Variants in PPARGC1B observed in about 807,000 individuals in gnomAD.
PPARGC1B encodes the protein PPARG coactivator 1 beta.
PPARGC1B carries 34 observed loss-of-function variants against 101.6 expected under a neutral mutation model. That is an observed-to-expected ratio of 0.33 (90% CI 0.25 to 0.45). The LOEUF (loss-of-function observed/expected upper bound fraction) is 0.45, where lower values mean the gene tolerates loss of function less well. Ranked by LOEUF, PPARGC1B falls within the 20% of genes least tolerant of loss-of-function variation. The pLI, the probability that PPARGC1B is intolerant of heterozygous loss-of-function variation, is 1.00. For missense variants in PPARGC1B, 1,234 were observed against 1,317.6 expected, an observed-to-expected ratio of 0.94 and a Z score of 0.98; for synonymous variants, 548 against 539.3, an observed-to-expected ratio of 1.02 and a Z score of -0.22.
chr5:149,802,291 T>G (rs1757455586), intron 1 of PPARGC1B, among the ~76,000 whole-genome samples: 1 of 152,234 alleles, frequency 6.6e-6, no homozygotes, highest in Admixed American at 6.5e-5. Flanking sequence ...CCCTCCTGGC[T>G]TGCTGGCTTC....
intron 1 of PPARGC1B, among the ~76,000 whole-genome samples, chr5:149,816,683 G>A (rs1758066355): frequency 2.6e-5 from 4 of 152,222 alleles, no homozygotes; most frequent in African/African-American, 9.6e-5. Flanking sequence ...CTACAAAGGT[G>A]GCTGCTCTGA....
chr5:149,747,390 C>T (rs936575678), intron 1 of PPARGC1B, among the ~76,000 whole-genome samples: 3 of 152,342 alleles, frequency 2.0e-5, no homozygotes, highest in African/African-American at 7.2e-5. Flanking sequence ...ACCTAACCCT[C>T]CTAACAGTGT....
intron 11 of PPARGC1B, chr5:149,847,252 G>A (rs369812312): frequency 1.0e-5 from 7 of 702,702 alleles, no homozygotes; most frequent in East Asian, 2.7e-5. Context: ...GACAGCCAAG[G>A]CCCTGAGACA....
At position 149,851,677 on chromosome 5, in the gene PPARGC1B, T is replaced by C. The variant is rs1319912161; in HGVS notation, c.*4119T>C. On this transcript the variant is annotated 3_prime_UTR_variant, in exon 12 of 12. Transcript: ENST00000309241. ...CTAGTGCATGTGCAATATGTCAAAG[T>C]TAGTCCCCTAGTCCCTGAGGGGTTT... 3 of 152,216 alleles carry C rather than the reference T, an allele frequency of 2.0e-5. No individual in the cohort carries two copies. Among genetic ancestry groups the C allele is most frequent in the Non-Finnish European group, 2.9e-5 (2 of 68,032 alleles). The allele number at this position is 152,216 out of a possible 1,614,324, so 9.4% of individuals were successfully genotyped here.
chr5:149,809,661 T>C (rs1421219481), intron 1 of PPARGC1B, among the ~76,000 whole-genome samples: 1 of 129,240 alleles, frequency 7.7e-6, no homozygotes, highest in Non-Finnish European at 1.5e-5. Flanking sequence ...GCACTCCAGC[T>C]CGGGCGACAG....
chr5:149,833,491 T>C lies in PPARGC1B; in HGVS notation c.1418T>C (p.Val473Ala). The change falls in exon 5 of 12, where the codon GTG (valine) becomes GCG (alanine). Residue 473 changes from valine (V) to alanine (A), a missense_variant. Physicochemically the swap from Val to Ala is moderately conservative, Grantham distance 64. Around this residue, in one of 3 missense-constraint regions of PPARGC1B, gnomAD observed 734 missense variants for 768.4 expected, o/e 0.96. Transcript: ENST00000309241. The surrounding 1 kb of genome is among the most constrained non-coding windows in gnomAD (Gnocchi z 4.1). ...CTGGGGAGGAAGCTGGAGAGCTCTGTGTGCCCCGTGCGGCGTTCTCGGAGA... is the reference window on the plus strand; with the variant it reads ...CTGGGGAGGAAGCTGGAGAGCTCTGCGTGCCCCGTGCGGCGTTCTCGGAGA... Reference protein sequence around the residue: ...TKLGRKLESSVCPVRRSRRLN... With the variant: ...TKLGRKLESSACPVRRSRRLN... 6.4e-7 allele frequency: 1 copy of C among 1,565,160 alleles called. No homozygotes were observed. The highest frequency in any genetic ancestry group is 1.7e-4 in the Middle Eastern group (1 of 5,922).
At chr5:149,814,885 G>A (rs1157987556) in intron 1 of PPARGC1B, among the ~76,000 whole-genome samples, 2 of 152,228 alleles carry the variant, frequency 1.3e-5, no homozygotes, top group Non-Finnish European at 2.9e-5. Context: ...GGCAGGGGGT[G>A]AGCAGGCACG....
At chr5:149,846,760 A>G (rs907608087) in intron 11 of PPARGC1B, 5 of 154,758 alleles carry the variant, frequency 3.2e-5, no homozygotes, top group African/African-American at 1.2e-4. Flanking sequence ...CTGCATGTCC[A>G]TTTATGGGAA....
chr5:149,755,325 C>T (rs1755477301), intron 1 of PPARGC1B, among the ~76,000 whole-genome samples: 1 of 151,700 alleles, frequency 6.6e-6, no homozygotes, highest in Non-Finnish European at 1.5e-5. Flanking sequence ...CCCCTGGGCT[C>T]AATCATTCCT....
At position 149,847,446 on chromosome 5, in the gene PPARGC1B, C is replaced by G; in HGVS notation, c.2972-12C>G. 6.2e-7 allele frequency: 1 copy of G among 1,603,246 alleles called. No individual in the cohort carries two copies. The highest frequency in any genetic ancestry group is 8.5e-7 in the Non-Finnish European group (1 of 1,170,018). ...CTTCCCCTCTTCCCTGCCTCTTCAC[C>G]CCCATGCCCAGATTCCAATTCAGAA... On this transcript the variant is annotated splice_polypyrimidine_tract_variant and intron_variant, in intron 11 of 11. Transcript: ENST00000309241.
chr5:149,779,309 CG>C (rs1756508875), intron 1 of PPARGC1B, among the ~76,000 whole-genome samples: 1 of 152,110 alleles, frequency 6.6e-6, no homozygotes, highest in Non-Finnish European at 1.5e-5. Context: ...ATGCCTGGCA[CG>C]ATCTCAGTGC....
chr5:149,734,713 G>T (rs1754634647), intron 1 of PPARGC1B, among the ~76,000 whole-genome samples: 1 of 152,128 alleles, frequency 6.6e-6, no homozygotes, highest in South Asian at 2.1e-4. Flanking sequence ...CACTGGCATG[G>T]TCTGGGAACA....
In PPARGC1B at chr5:149,836,304, G is replaced by C. The variant is rs1759072065; in HGVS notation, c.1849G>C (p.Glu617Gln). ...PTTPPYKPTE[E>Q]DPFKPDIKHS... ...CACACCACCGTACAAGCCCACAGAG[G>C]AGGATCCCTTCAAACCAGACATCAA... Residue 617 changes from glutamate (E) to glutamine (Q), a missense_variant, in exon 8 of 12, where the codon GAG (glutamate) becomes CAG (glutamine). By Grantham distance (29) the Glu-to-Gln change is conservative. This residue lies in a region of PPARGC1B where 497 missense variants were observed against 529.5 expected (regional missense o/e 0.94). Transcript: ENST00000309241. 6.2e-7 allele frequency: 1 copy of C among 1,609,930 alleles called. No individual in the cohort carries two copies. The highest frequency in any genetic ancestry group is 8.5e-7 in the Non-Finnish European group (1 of 1,178,246).
Position 149,832,482 on chromosome 5 carries a change from T to C in PPARGC1B, c.583-174T>C, listed in dbSNP as rs1758831927. ...GGTCTTTCCTTCATTCCTCATCCAC[T>C]GAGCACAGCCAGGTGCCCGGCTCTG... On this transcript the variant is annotated intron_variant, in intron 4 of 11. Transcript: ENST00000309241. This position sits in a 1 kb window ranked among gnomAD's most constrained non-coding sequence, Gnocchi z 4.9. 6.6e-6 allele frequency among the ~76,000 whole-genome samples: 1 copy of C among 152,124 alleles called. No homozygotes were observed. Among genetic ancestry groups the C allele is most frequent in the South Asian group, 2.1e-4 (1 of 4,816 alleles).
intron 1 of PPARGC1B, among the ~76,000 whole-genome samples, chr5:149,755,502 C>A (rs1218520675): frequency 6.6e-6 from 1 of 152,076 alleles, no homozygotes; most frequent in Non-Finnish European, 1.5e-5. Context: ...TAGATGTAAA[C>A]CCTGGACTGT....
At chr5:149,732,085 C>CCG (rs3042305) in intron 1 of PPARGC1B, among the ~76,000 whole-genome samples, 1 of 151,388 alleles carries the variant, frequency 6.6e-6, no homozygotes, top group Non-Finnish European at 1.5e-5. Flanking sequence ...TGTGCACACG[C>CCG]CGCGCGCGCC....
chr5:149,730,434 G>C lies in PPARGC1B; in HGVS notation c.78+14G>C. On this transcript the variant is annotated intron_variant, in intron 1 of 11. Coordinates refer to ENST00000309241, the MANE Select transcript of PPARGC1B (RefSeq NM_133263.4). This position sits in a 1 kb window ranked among gnomAD's most constrained non-coding sequence, Gnocchi z 4.0. Reference sequence around the variant, plus strand: ...GCTGACACGCAGGTACGGCCGGCTGGGGCTGCGGGCCCGGGGCCAGGGGTG... The same window carrying C: ...GCTGACACGCAGGTACGGCCGGCTGCGGCTGCGGGCCCGGGGCCAGGGGTG... 1 of 1,537,538 alleles carries C rather than the reference G, an allele frequency of 6.5e-7. No individual in the cohort carries two copies. Among genetic ancestry groups the C allele is most frequent in the Non-Finnish European group, 8.7e-7 (1 of 1,143,226 alleles).
In PPARGC1B at chr5:149,833,828, A is replaced by T. The variant is rs969709827; in HGVS notation, c.1705+50A>T. On this transcript the variant is annotated intron_variant, in intron 5 of 11. Transcript: ENST00000309241. This position sits in a 1 kb window ranked among gnomAD's most constrained non-coding sequence, Gnocchi z 4.1. Reference sequence around the variant, plus strand: ...AGTGGGGGCAGGGATGGGGTGCAGCATGCCCCTCTGCACTGGGAGCCAGGA... The same window carrying T: ...AGTGGGGGCAGGGATGGGGTGCAGCTTGCCCCTCTGCACTGGGAGCCAGGA... 5 of 1,443,396 alleles carry T rather than the reference A, an allele frequency of 3.5e-6. No individual in the cohort carries two copies. The highest frequency in any genetic ancestry group is 2.9e-5 in the South Asian group (2 of 68,338). 89.4% of individuals were successfully genotyped at this position (1,443,396 alleles called of 1,614,324 possible).
intron 1 of PPARGC1B, among the ~76,000 whole-genome samples, chr5:149,745,193 G>A (rs1034169020): frequency 7.9e-5 from 12 of 152,102 alleles, no homozygotes; most frequent in African/African-American, 2.7e-4. Flanking sequence ...GAGCCACTGT[G>A]CCTGGCCAGC....
Sources: gnomAD v4.1 joint callset for allele counts (sites outside exome capture counted in the v4.1 genomes callset) on GRCh38, gnomAD v4.1.1 for gene constraint, gnomAD v4.1.1 regional missense constraint, Gnocchi (gnomAD v3.1) non-coding constraint, MANE v1.5 for transcripts, NCBI Gene and HGNC (gene_info 2026-07-23, HGNC 2026-07-21) for gene names.